The following RETREG1 variants were observed in gnomAD, a reference collection of about 807,000 sequenced individuals.
The protein encoded by RETREG1 is reticulophagy regulator 1.
RETREG1 carries 44 observed loss-of-function variants against 54.8 expected under a neutral mutation model. That is an observed-to-expected ratio of 0.80 (90% CI 0.63 to 1.03). The LOEUF (loss-of-function observed/expected upper bound fraction) is 1.03. Ranked by LOEUF, RETREG1 falls within the 50% of genes least tolerant of loss-of-function variation. The pLI is 0.00. For missense variants in RETREG1, 554 were observed against 605.1 expected (o/e 0.92, Z 0.89); for synonymous variants, 217 against 238.5 (o/e 0.91, Z 0.83).
chr5:16,503,186 T>C (rs575450736), intron 3 of RETREG1, among the ~76,000 whole-genome samples: 1 of 152,320 alleles, frequency 6.6e-6, no homozygotes, highest in East Asian at 1.9e-4. Context: ...TAACTGGTGA[T>C]TCAGATATCT....
chr5:16,528,534 A>G lies in RETREG1; in HGVS notation c.458+37229T>C, dbSNP rs1277568984. Among the ~76,000 whole-genome samples, 4 of 152,154 alleles carry G rather than the reference A, an allele frequency of 2.6e-5. No homozygotes were observed. The East Asian group carries it at 7.7e-4, about 29-fold the overall frequency. Reference sequence around the variant, plus strand: ...GCCAGTCTCTTCAGGAGCAAAAGAAAGATTAGGGGGCCAAGGAGGAGTGAG... The same window carrying G: ...GCCAGTCTCTTCAGGAGCAAAAGAAGGATTAGGGGGCCAAGGAGGAGTGAG... On this transcript the variant is annotated intron_variant, in intron 3 of 8. Transcript: ENST00000306320.
intron 3 of RETREG1, among the ~76,000 whole-genome samples, chr5:16,558,800 TA>T (rs1741777908): frequency 6.6e-6 from 1 of 152,230 alleles, no homozygotes; most frequent in Non-Finnish European, 1.5e-5. Context: ...AGCTATCAGG[TA>T]AACATTTAAT....
In RETREG1 at chr5:16,478,795, T is replaced by C. The variant is rs1358259837; in HGVS notation, c.808+55A>G. 3.2e-6 allele frequency: 5 copies of C among 1,539,816 alleles called. No individual in the cohort carries two copies. The East Asian group carries it at 1.1e-4, about 35-fold the overall frequency. ...AATGTATTAAAGAATTTCCTAAAAA[T>C]AGCTCGCTAATGTCTCATTTCATGC... On this transcript the variant is annotated intron_variant, in intron 6 of 8. Transcript: ENST00000306320.
At chr5:16,558,082 A>C (rs559028151) in intron 3 of RETREG1, among the ~76,000 whole-genome samples, 13 of 152,232 alleles carry the variant, frequency 8.5e-5, no homozygotes, top group Admixed American at 3.3e-4. Flanking sequence ...AATAAGAAAA[A>C]AAATTAATGA....
chr5:16,495,200 T>C (rs923027590), intron 3 of RETREG1, among the ~76,000 whole-genome samples: 8 of 152,198 alleles, frequency 5.3e-5, no homozygotes, highest in African/African-American at 1.9e-4. Context: ...AAAGAAATGA[T>C]GTGAAACTTG....
At chr5:16,562,664 CAA>C (rs749204886) in intron 3 of RETREG1, among the ~76,000 whole-genome samples, 42 of 152,236 alleles carry the variant, frequency 2.8e-4, no homozygotes, top group Non-Finnish European at 3.8e-4. Flanking sequence ...ATTTTTCTCC[CAA>C]AAACACATAC....
rs759158778 is a variant in RETREG1, at chr5:16,593,861, G to A, written c.321-21759C>T. 2.0e-5 allele frequency among the ~76,000 whole-genome samples: 3 copies of A among 152,190 alleles called. No homozygotes were observed. Among genetic ancestry groups the A allele is most frequent in the Admixed American group, 6.5e-5 (1 of 15,280 alleles). On this transcript the variant is annotated intron_variant, in intron 1 of 8. Coordinates refer to ENST00000306320, the MANE Select transcript of RETREG1 (RefSeq NM_001034850.3). This position sits in a 1 kb window ranked among gnomAD's most constrained non-coding sequence, Gnocchi z 4.9. ...GAGGAGCTGCAGCAGATGCACCTCCGTCAAATCTAAGCAGCCATGTTTACT... is the reference window on the plus strand; with the variant it reads ...GAGGAGCTGCAGCAGATGCACCTCCATCAAATCTAAGCAGCCATGTTTACT...
rs77537077 is a variant in RETREG1 at position 16,477,464 on chromosome 5, T to C, written c.1000+198A>G. On this transcript the variant is annotated intron_variant, in intron 8 of 8. Coordinates refer to ENST00000306320, the MANE Select transcript of RETREG1 (RefSeq NM_001034850.3). ...AATGGAATTACACAGTATGTGGCAT[T>C]TTGTGTCTGGCTTCTTAGCATGTTT... is the stretch of plus-strand genomic sequence containing the variant. 0.031 allele frequency among the ~76,000 whole-genome samples: 4,720 copies of C among 152,274 alleles called. 249 individuals carry two copies. The highest frequency in any genetic ancestry group is 0.11 in the African/African-American group (4,429 of 41,532).
At chr5:16,590,915 A>G (rs1742752987) in intron 1 of RETREG1, among the ~76,000 whole-genome samples, 2 of 66,306 alleles carry the variant, frequency 3.0e-5, no homozygotes, top group Non-Finnish European at 9.7e-5. Flanking sequence ...ACACAAAAAA[A>G]CACACACATG....
chr5:16,572,360 G>A (rs562307626), intron 1 of RETREG1, among the ~76,000 whole-genome samples: 7 of 152,054 alleles, frequency 4.6e-5, no homozygotes, highest in African/African-American at 1.7e-4. Context: ...TTATAGGCAT[G>A]AGCCACCACG....
At chr5:16,552,184 C>T (rs1741563903) in intron 3 of RETREG1, among the ~76,000 whole-genome samples, 1 of 152,208 alleles carries the variant, frequency 6.6e-6, no homozygotes, top group Non-Finnish European at 1.5e-5. Flanking sequence ...CGTTCTTTAG[C>T]AGCTACTGCT....
chr5:16,614,895 G>A (rs1432005965), intron 1 of RETREG1, among the ~76,000 whole-genome samples: 1 of 152,180 alleles, frequency 6.6e-6, no homozygotes, highest in Non-Finnish European at 1.5e-5. Flanking sequence ...TCCACAATTT[G>A]CATAGAATAT....
intron 2 of RETREG1, among the ~76,000 whole-genome samples, chr5:16,568,421 A>C (rs1579691851): frequency 6.6e-6 from 1 of 151,890 alleles, no homozygotes; most frequent in Admixed American, 6.6e-5. Context: ...ACAGGTGCCC[A>C]CCACCACGCC....
intron 1 of RETREG1, among the ~76,000 whole-genome samples, chr5:16,602,466 A>G (rs1220307132): frequency 6.6e-6 from 1 of 152,188 alleles, no homozygotes; most frequent in African/African-American, 2.4e-5. Flanking sequence ...GACTCTTCCC[A>G]ATTCACTGGG....
At chr5:16,562,691 T>A (rs1741891553) in intron 3 of RETREG1, among the ~76,000 whole-genome samples, 1 of 152,108 alleles carries the variant, frequency 6.6e-6, no homozygotes, top group East Asian at 1.9e-4. Context: ...AATCTAATCA[T>A]GAGAAAAACA....
intron 3 of RETREG1, among the ~76,000 whole-genome samples, chr5:16,522,323 C>A (rs1436532217): frequency 6.6e-6 from 1 of 152,120 alleles, no homozygotes; most frequent in African/African-American, 2.4e-5. Context: ...GCCTCAGTCG[C>A]TGTCTGGAGA....
chr5:16,565,696 C>T, intron 3 of RETREG1, 67 bp downstream of exon 3: 1 of 1,516,294 alleles, frequency 6.6e-7, no homozygotes, highest in Non-Finnish European at 9.2e-7. Flanking sequence ...AGAGCTACAT[C>T]TTGGTGGCTC....
At chr5:16,516,071 A>G (rs1740345340) in intron 3 of RETREG1, among the ~76,000 whole-genome samples, 1 of 152,112 alleles carries the variant, frequency 6.6e-6, no homozygotes. Context: ...AGCAAAAAAA[A>G]AAAAAAAAGT....
At chr5:16,610,261 A>C (rs940509942) in intron 1 of RETREG1, among the ~76,000 whole-genome samples, 1 of 152,174 alleles carries the variant, frequency 6.6e-6, no homozygotes, top group African/African-American at 2.4e-5. Context: ...AGTCAGAGTG[A>C]CCCAGGTCTC....
Sources: gnomAD v4.1 joint callset for allele counts (sites outside exome capture counted in the v4.1 genomes callset) on GRCh38, gnomAD v4.1.1 for gene constraint, Gnocchi (gnomAD v3.1) non-coding constraint, MANE v1.5 for transcripts, NCBI Gene and HGNC (gene_info 2026-07-23, HGNC 2026-07-21) for gene names.